The following EYS variants were observed in gnomAD, a reference collection of about 807,000 sequenced individuals.
The protein encoded by EYS is EGF-like photoreceptor maintenance factor.
A neutral mutation model predicts 282.1 loss-of-function variants in EYS; 250 were observed. The ratio of observed to expected loss-of-function variants is 0.89; its 90% CI spans 0.80 to 0.98. EYS has a LOEUF of 0.98. Ranked by LOEUF, EYS falls within the 50% of genes least tolerant of loss-of-function variation. EYS has a pLI of 0.00. For synonymous variants in EYS, 1,355 were observed against 1,282.9 expected (o/e 1.06, Z -1.20); for missense variants, 4,016 against 3,709.0 (o/e 1.08, Z -2.15).
At chr6:64,719,914 T>C (rs1442028562) in intron 22 of EYS, among the ~76,000 whole-genome samples, 2 of 152,046 alleles carry the variant, frequency 1.3e-5, no homozygotes, top group African/African-American at 2.4e-5. Flanking sequence ...AATAAATAAA[T>C]AGTATGTCAA....
At chr6:65,634,598 A>G (rs964793936) in intron 2 of EYS, among the ~76,000 whole-genome samples, 2 of 152,344 alleles carry the variant, frequency 1.3e-5, no homozygotes, top group African/African-American at 4.8e-5. Context: ...AAGTTTATCC[A>G]TATTTCAAAC....
At chr6:65,622,193 T>C (rs1400732280) in intron 2 of EYS, among the ~76,000 whole-genome samples, 1 of 152,140 alleles carries the variant, frequency 6.6e-6, no homozygotes, top group African/African-American at 2.4e-5. Context: ...GGTTAATCCA[T>C]TGTTTTCTTC....
At chr6:64,737,931 T>C (rs1772234883) in intron 22 of EYS, among the ~76,000 whole-genome samples, 1 of 152,230 alleles carries the variant, frequency 6.6e-6, no homozygotes, top group Non-Finnish European at 1.5e-5. Context: ...ATATCCTTTA[T>C]TTGTTTTACT....
At chr6:64,098,301 A>G (rs1252534029) in intron 31 of EYS, among the ~76,000 whole-genome samples, 1 of 152,210 alleles carries the variant, frequency 6.6e-6, no homozygotes, top group Non-Finnish European at 1.5e-5. Flanking sequence ...TGATACAGGT[A>G]TAGAAAGGAA....
At chr6:64,069,436 G>GA (rs1771492070) in intron 32 of EYS, among the ~76,000 whole-genome samples, 2 of 151,512 alleles carry the variant, frequency 1.3e-5, no homozygotes, top group African/African-American at 2.4e-5. Context: ...GTATATGTAT[G>GA]TATATACATA....
intron 41 of EYS, among the ~76,000 whole-genome samples, chr6:63,731,224 T>A (rs1768773605): frequency 6.6e-6 from 1 of 152,188 alleles, no homozygotes; most frequent in African/African-American, 2.4e-5. Context: ...CACTTGAGAT[T>A]ATTGAAATTT....
chr6:64,472,692 TAGAGAG>T (rs1211149400), intron 26 of EYS, among the ~76,000 whole-genome samples: 2 of 152,150 alleles, frequency 1.3e-5, no homozygotes, highest in African/African-American at 4.8e-5. Flanking sequence ...ACATCAAAGA[TAGAGAG>T]AAAGTATTTC....
chr6:65,048,975 A>G (rs1447519487), intron 13 of EYS, among the ~76,000 whole-genome samples: 1 of 151,800 alleles, frequency 6.6e-6, no homozygotes, highest in Non-Finnish European at 1.5e-5. Context: ...CCATAAGTAG[A>G]TTTTAGGTGC....
At chr6:64,067,846 T>G (rs2149856711) in intron 32 of EYS, among the ~76,000 whole-genome samples, 1 of 152,274 alleles carries the variant, frequency 6.6e-6, no homozygotes, top group South Asian at 2.1e-4. Flanking sequence ...TTCATTATCA[T>G]TGTTTTGTAA....
chr6:63,846,509 A>C lies in EYS; in HGVS notation c.7228+17677T>G, dbSNP rs142709865. On this transcript the variant is annotated intron_variant, in intron 36 of 42. Coordinates refer to ENST00000503581, the MANE Select transcript of EYS (RefSeq NM_001142800.2). ...ATTCAAAAATACCCTTGGCCACTTT[A>C]GAATGGCAAAGAGAATTACAAAATG... Among the ~76,000 whole-genome samples, 700 of 152,370 alleles carry C rather than the reference A, an allele frequency of 4.6e-3. 6 individuals carry two copies. Among genetic ancestry groups the C allele is most frequent in the African/African-American group, 0.016 (672 of 41,586 alleles).
At chr6:65,537,208 G>A (rs1767992845) in intron 2 of EYS, among the ~76,000 whole-genome samples, 1 of 152,084 alleles carries the variant, frequency 6.6e-6, no homozygotes, top group Admixed American at 6.6e-5. Flanking sequence ...GGGGCAGGGG[G>A]CAAGGGGATG....
intron 22 of EYS, among the ~76,000 whole-genome samples, chr6:64,770,666 C>T (rs1382932402): frequency 2.0e-5 from 3 of 151,856 alleles, no homozygotes; most frequent in Admixed American, 6.6e-5. Flanking sequence ...AGGTATGCAA[C>T]ATCACTATCA....
chr6:65,202,495 G>A (rs920127916), intron 12 of EYS, among the ~76,000 whole-genome samples: 2 of 152,070 alleles, frequency 1.3e-5, no homozygotes, highest in African/African-American at 4.8e-5. Flanking sequence ...GCGGCTAGAG[G>A]ACAAACCCTT....
chr6:65,114,919 C>T (rs2150191544), intron 12 of EYS, among the ~76,000 whole-genome samples: 1 of 152,058 alleles, frequency 6.6e-6, no homozygotes, highest in South Asian at 2.1e-4. Flanking sequence ...CTAGTGATTC[C>T]CATTACCCTA....
intron 1 of EYS, among the ~76,000 whole-genome samples, chr6:65,702,350 G>C (rs1297847842): frequency 1.3e-5 from 2 of 152,090 alleles, no homozygotes; most frequent in Non-Finnish European, 2.9e-5. Context: ...TTTGATGATT[G>C]GCTTACTTAT....
intron 30 of EYS, among the ~76,000 whole-genome samples, chr6:64,275,964 C>CAA (rs1163549964): frequency 1.7e-5 from 2 of 118,916 alleles, no homozygotes; most frequent in African/African-American, 6.1e-5. Context: ...GACTCCATCT[C>CAA]AAAAAAAAAA....
intron 1 of EYS, among the ~76,000 whole-genome samples, chr6:65,696,909 A>G (rs1769476319): frequency 6.6e-6 from 1 of 152,052 alleles, no homozygotes; most frequent in South Asian, 2.1e-4. Flanking sequence ...TAAAGGTAAG[A>G]GCTATCGAAT....
In EYS at chr6:64,307,084, TGAGAGA is replaced by T. The variant is rs35395170; in HGVS notation, c.6079-8_6079-3del. On this transcript the variant is annotated splice_region_variant and splice_polypyrimidine_tract_variant and intron_variant, in intron 29 of 42. Transcript: ENST00000503581. ...AAAATTCTTGACTGGTACAGGCATC[TGAGAGA>T]GAGAGAGAGAGAGAGAAGTAGAGAT... 786 of 872,158 alleles carry T rather than the reference TGAGAGA, an allele frequency of 9.0e-4. No homozygotes were observed. Among genetic ancestry groups the T allele is most frequent in the Non-Finnish European group, 1.1e-3 (584 of 552,544 alleles). 54.0% of individuals were successfully genotyped at this position (872,158 alleles called of 1,614,324 possible). A position where few individuals can be genotyped will look rare whatever the true frequency, so the allele number is the denominator to read the frequency against.
chr6:63,925,727 T>G (rs999413246), intron 35 of EYS, among the ~76,000 whole-genome samples: 4 of 152,178 alleles, frequency 2.6e-5, no homozygotes, highest in Non-Finnish European at 5.9e-5. Context: ...CACTGCAACC[T>G]CTGCCTCCCA....
Sources: gnomAD v4.1 joint callset for allele counts (sites outside exome capture counted in the v4.1 genomes callset) on GRCh38, gnomAD v4.1.1 for gene constraint, MANE v1.5 for transcripts, NCBI Gene and HGNC (gene_info 2026-07-23, HGNC 2026-07-21) for gene names.